Variants in PLXNA2 observed in about 807,000 individuals in gnomAD.
PLXNA2 encodes the protein plexin-A2.
In PLXNA2, 91 loss-of-function variants were observed where a neutral mutation model predicts 193.5. The ratio of observed to expected loss-of-function variants is 0.47; its 90% CI spans 0.40 to 0.56. The LOEUF is 0.56. Ranked by LOEUF, PLXNA2 falls within the 20% of genes least tolerant of loss-of-function variation. The pLI, the probability that PLXNA2 is intolerant of heterozygous loss-of-function variation, is 0.00. For synonymous variants in PLXNA2, 997 were observed against 1,027.3 expected, an observed-to-expected ratio of 0.97 and a Z score of 0.56; for missense variants, 1,995 against 2,503.2, an observed-to-expected ratio of 0.80 and a Z score of 4.33.
chr1:208,190,318 G>A (rs1361667954), intron 3 of PLXNA2, among the ~76,000 whole-genome samples: 1 of 152,170 alleles, frequency 6.6e-6, no homozygotes, highest in African/African-American at 2.4e-5. Context: ...ACCTGGGTTT[G>A]CTTTTCAAAT....
At chr1:208,084,747 G>A (rs1231892688) in intron 9 of PLXNA2, among the ~76,000 whole-genome samples, 167 bp from the exon 10 acceptor site, 1 of 152,184 alleles carries the variant, frequency 6.6e-6, no homozygotes, top group African/African-American at 2.4e-5. Flanking sequence ...TTAGCTCCTG[G>A]GCTTTGATAT....
chr1:208,030,108 T>C, intron 29 of PLXNA2: 2 of 985,542 alleles, frequency 2.0e-6, no homozygotes, highest in Non-Finnish European at 2.4e-6. Context: ...CCACGATGAT[T>C]TCTGCCTATC....
chr1:208,192,510 A>G (rs1670214274), intron 3 of PLXNA2, among the ~76,000 whole-genome samples: 1 of 152,172 alleles, frequency 6.6e-6, no homozygotes. Context: ...TAGATGAAAT[A>G]GATGAAAGTA....
chr1:208,146,416 C>A (rs1197157414), intron 3 of PLXNA2, among the ~76,000 whole-genome samples: 2 of 152,188 alleles, frequency 1.3e-5, no homozygotes, highest in African/African-American at 2.4e-5. Flanking sequence ...TCAAAACTTC[C>A]AATCCATGGT....
At chr1:208,069,279 C>T (rs1041480837) in intron 12 of PLXNA2, among the ~76,000 whole-genome samples, 4 of 152,170 alleles carry the variant, frequency 2.6e-5, no homozygotes, top group Non-Finnish European at 5.9e-5. Flanking sequence ...GTCACTTCTC[C>T]ACCTGCTCAG....
Position 208,039,038 on chromosome 1 carries a change from G to C in PLXNA2, c.4501-54C>G, listed in dbSNP as rs189775711. Reference sequence around the variant, plus strand: ...GACAGGAGTTGAAGGAGTAGTTTGAGGGAGAGGGTCAGGACCTCAGAATCT... The same window carrying C: ...GACAGGAGTTGAAGGAGTAGTTTGACGGAGAGGGTCAGGACCTCAGAATCT... On this transcript the variant is annotated intron_variant, in intron 24 of 31. Coordinates refer to ENST00000367033, the MANE Select transcript of PLXNA2 (RefSeq NM_025179.4). 1.4e-4 allele frequency: 215 copies of C among 1,550,430 alleles called. 2 individuals carry two copies. The East Asian group carries it at 4.3e-3, about 31-fold the overall frequency.
At position 208,057,537 on chromosome 1, in the gene PLXNA2, A is replaced by G. The variant is rs563865908; in HGVS notation, c.2739-2999T>C. ...CCCTCTACCTTCTTGGTTGTAGACA[A>G]CCATAGGCAGTGGTGTGTGCACCAC... On this transcript the variant is annotated intron_variant, in intron 13 of 31. Coordinates refer to ENST00000367033, the MANE Select transcript of PLXNA2 (RefSeq NM_025179.4). 4.6e-5 allele frequency among the ~76,000 whole-genome samples: 7 copies of G among 152,258 alleles called. No homozygotes were observed. The South Asian group carries it at 1.5e-3, about 32-fold the overall frequency.
chr1:208,110,970 T>C (rs1209097202), intron 4 of PLXNA2, among the ~76,000 whole-genome samples: 3 of 152,156 alleles, frequency 2.0e-5, no homozygotes, highest in African/African-American at 4.8e-5. Flanking sequence ...GTGATTCAGC[T>C]GGGTGAATCA....
At chr1:208,177,921 C>T (rs558422659) in intron 3 of PLXNA2, among the ~76,000 whole-genome samples, 1 of 152,352 alleles carries the variant, frequency 6.6e-6, no homozygotes, top group Non-Finnish European at 1.5e-5. Flanking sequence ...CTAGACTTTG[C>T]CCGTCTCTGG....
intron 3 of PLXNA2, among the ~76,000 whole-genome samples, chr1:208,165,983 C>T (rs541646505): frequency 4.4e-4 from 67 of 152,276 alleles, no homozygotes; most frequent in South Asian, 4.1e-3. Flanking sequence ...TCTTCCATAC[C>T]GATGAACTGA....
intron 12 of PLXNA2, among the ~76,000 whole-genome samples, chr1:208,070,738 T>C (rs763363769): frequency 2.6e-5 from 4 of 152,130 alleles, no homozygotes; most frequent in Non-Finnish European, 4.4e-5. Context: ...ATCTGTAAAA[T>C]GGGTCTAATG....
intron 12 of PLXNA2, among the ~76,000 whole-genome samples, chr1:208,077,959 C>A (rs937997476): frequency 1.3e-5 from 2 of 152,070 alleles, no homozygotes; most frequent in Non-Finnish European, 2.9e-5. Flanking sequence ...GGATGGATTG[C>A]ATCTATCTGG....
chr1:208,176,030 C>T (rs1027416648), intron 3 of PLXNA2, among the ~76,000 whole-genome samples: 1 of 152,170 alleles, frequency 6.6e-6, no homozygotes, highest in Admixed American at 6.5e-5. Flanking sequence ...TCATAGTTGT[C>T]TGGTGCTTTA....
At position 208,044,523 on chromosome 1, in the gene PLXNA2, A is replaced by C; in HGVS notation, c.3859T>G (p.Leu1287Val). The change falls in exon 20 of 32, where the codon TTG (leucine) becomes GTG (valine). Residue 1287 changes from leucine (L) to valine (V), a missense_variant. Coordinates refer to ENST00000367033, the MANE Select transcript of PLXNA2 (RefSeq NM_025179.4). This position sits in a 1 kb window ranked among gnomAD's most constrained non-coding sequence, Gnocchi z 4.9. The stretch of plus-strand genomic sequence containing the variant: ...TTCCACTAACCTTCCTTGCACTCCA[A>C]GGCCACACGGGACTCCAGATTGTCC... Reference protein sequence around the residue: ...QMDNLESRVALECKEAFAELQ... With the variant: ...QMDNLESRVAVECKEAFAELQ... 2 of 1,613,774 alleles carry C rather than the reference A, an allele frequency of 1.2e-6. No individual in the cohort carries two copies. The highest frequency in any genetic ancestry group is 2.2e-5 in the East Asian group (1 of 44,868).
chr1:208,189,729 C>G (rs1044371482), intron 3 of PLXNA2, among the ~76,000 whole-genome samples: 1 of 152,072 alleles, frequency 6.6e-6, no homozygotes, highest in South Asian at 2.1e-4. Context: ...CAATATAATC[C>G]TCTTAGATGA....
At position 208,226,036 on chromosome 1, in the gene PLXNA2, A is replaced by G. The variant is rs1010168503; in HGVS notation, c.-80-8034T>C. Among the ~76,000 whole-genome samples the G allele has an allele frequency of 4.6e-5, 7 of 152,196 alleles. No homozygotes were observed. The East Asian group carries it at 9.6e-4, about 21-fold the overall frequency. ...TTAAAGGAGAGGGGTCTGGGTGTGC[A>G]GGCACACGAAAATTTGCAGAGATAG... On this transcript the variant is annotated intron_variant, in intron 1 of 31. Transcript: ENST00000367033.
At chr1:208,122,984 C>T (rs191450843) in intron 4 of PLXNA2, among the ~76,000 whole-genome samples, 1 of 152,286 alleles carries the variant, frequency 6.6e-6, no homozygotes, top group East Asian at 1.9e-4. Flanking sequence ...TTTGTATATT[C>T]AGGAACTGTA....
intron 28 of PLXNA2, among the ~76,000 whole-genome samples, chr1:208,032,795 A>C (rs575988173): frequency 6.6e-6 from 1 of 152,310 alleles, no homozygotes; most frequent in African/African-American, 2.4e-5. Context: ...CATTGTGGCC[A>C]GAAAGGGGAT....
At position 208,042,218 on chromosome 1, in the gene PLXNA2, A is replaced by G; in HGVS notation, c.4166T>C (p.Leu1389Pro). Residue 1389 changes from leucine to proline, a missense_variant, in exon 22 of 32, where the codon CTC becomes CCC. Transcript: ENST00000367033. The part of the protein sequence containing the change: ...SMRDRGNVAS[L>P]IMTGLQGRLE... The stretch of plus-strand genomic sequence containing the variant: ...GCGGCCCTGCAGGCCGGTCATGATG[A>G]GCGAAGCCACGTTGCCCCGGTCGCG... 6.2e-7 allele frequency: 1 copy of G among 1,614,206 alleles called. No individual in the cohort carries two copies. The highest frequency in any genetic ancestry group is 8.5e-7 in the Non-Finnish European group (1 of 1,180,038).
Sources: gnomAD v4.1 joint callset for allele counts (sites outside exome capture counted in the v4.1 genomes callset) on GRCh38, gnomAD v4.1.1 for gene constraint, Gnocchi (gnomAD v3.1) non-coding constraint, MANE v1.5 for transcripts, NCBI Gene and HGNC (gene_info 2026-07-23, HGNC 2026-07-21) for gene names.